Variants in RXFP1 observed in about 807,000 individuals in gnomAD.
RXFP1 encodes relaxin family peptide receptor 1, also known as relaxin receptor 1.
Under a neutral mutation model 89.8 loss-of-function variants are expected in RXFP1, and 73 were observed. That is an observed-to-expected ratio of 0.81 (90% confidence interval 0.67 to 0.99). RXFP1 has a LOEUF of 0.99. RXFP1 is among the 50% of genes least tolerant of loss of function. The pLI, the probability that RXFP1 is intolerant of heterozygous loss-of-function variation, is 0.00. For missense variants in RXFP1, 793 were observed against 895.5 expected, an observed-to-expected ratio of 0.89 and a Z score of 1.46; for synonymous variants, 277 against 305.5, an observed-to-expected ratio of 0.91 and a Z score of 0.97.
chr4:158,633,510 T>C (rs781537427), intron 12 of RXFP1, 34 bp downstream of exon 12: 1 of 1,325,464 alleles, frequency 7.5e-7, no homozygotes, highest in African/African-American at 1.5e-5. Flanking sequence ...ACCTCGTTTC[T>C]TTATTTTATT....
intron 2 of RXFP1, among the ~76,000 whole-genome samples, chr4:158,582,419 C>T (rs1757547622): frequency 6.6e-6 from 1 of 152,090 alleles, no homozygotes; most frequent in Non-Finnish European, 1.5e-5. Flanking sequence ...TGCCTGTTGT[C>T]AGCTGATGAT....
At chr4:158,649,448 G>C (rs942094543) in intron 17 of RXFP1, among the ~76,000 whole-genome samples, 2 of 151,936 alleles carry the variant, frequency 1.3e-5, no homozygotes, top group Admixed American at 1.3e-4. Flanking sequence ...AACATTCTTG[G>C]CATTTAGAAA....
At chr4:158,544,211 G>A in intron 1 of RXFP1, 1 of 985,312 alleles carries the variant, frequency 1.0e-6, no homozygotes, top group Non-Finnish European at 1.2e-6. Flanking sequence ...TTATAAAGCT[G>A]CCATCTCCAA....
At chr4:158,631,001 G>GT (rs748333364) in intron 11 of RXFP1, among the ~76,000 whole-genome samples, 1 of 152,204 alleles carries the variant, frequency 6.6e-6, no homozygotes, top group Non-Finnish European at 1.5e-5. Context: ...TTTACAAGGT[G>GT]TTTCCTGAGT....
intron 14 of RXFP1, among the ~76,000 whole-genome samples, chr4:158,642,227 G>A (rs1770519461): frequency 6.6e-6 from 1 of 151,910 alleles, no homozygotes; most frequent in Non-Finnish European, 1.5e-5. Context: ...TACATACAAT[G>A]TATAGTGATC....
Position 158,616,677 on chromosome 4 carries a change from G to T in RXFP1, c.681-454G>T, listed in dbSNP as rs972577800. On this transcript the variant is annotated intron_variant, in intron 8 of 17. Transcript: ENST00000307765. The stretch of plus-strand genomic sequence containing the variant: ...ATTAGATTATAATTAAATATAGTTA[G>T]ATTATAATTAAATTATAATTTAAAT... 8.1e-5 allele frequency among the ~76,000 whole-genome samples: 12 copies of T among 148,468 alleles called. No individual in the cohort carries two copies. In the South Asian group the frequency reaches 2.3e-3, roughly 29 times the overall value.
chr4:158,559,495 C>T (rs905670288), intron 1 of RXFP1, among the ~76,000 whole-genome samples: 8 of 152,036 alleles, frequency 5.3e-5, no homozygotes, highest in African/African-American at 1.9e-4. Flanking sequence ...AAAGGCTAGA[C>T]CCCCCTGCCC....
At chr4:158,617,418 T>C in intron 9 of RXFP1, among the ~76,000 whole-genome samples, 1 of 116,424 alleles carries the variant, frequency 8.6e-6, no homozygotes, top group Non-Finnish European at 1.6e-5. Flanking sequence ...ATAAAACATC[T>C]CAAAAAAAAT....
At chr4:158,628,740 A>G in intron 11 of RXFP1, 31 bp downstream of exon 11, 1 of 1,241,062 alleles carries the variant, frequency 8.1e-7, no homozygotes, top group Non-Finnish European at 1.1e-6. Context: ...ACTGATAAGA[A>G]TTTTCTTTCT....
At chr4:158,527,457 C>T (rs1309098132) in intron 1 of RXFP1, among the ~76,000 whole-genome samples, 7 of 150,678 alleles carry the variant, frequency 4.6e-5, no homozygotes, top group African/African-American at 1.5e-4. Flanking sequence ...GCTGGAGAAT[C>T]GCTTGAACCC....
intron 4 of RXFP1, among the ~76,000 whole-genome samples, chr4:158,601,969 C>T (rs548279559): frequency 1.2e-4 from 18 of 152,242 alleles, no homozygotes; most frequent in Middle Eastern, 6.8e-3. Flanking sequence ...ATACTAAGAA[C>T]TTTCTTTATA....
chr4:158,632,224 C>T (rs760072692), intron 11 of RXFP1, among the ~76,000 whole-genome samples: 1 of 152,064 alleles, frequency 6.6e-6, no homozygotes, highest in Non-Finnish European at 1.5e-5. Flanking sequence ...CAATAGTCTC[C>T]AGGTTCAGTT....
In RXFP1 at chr4:158,647,035, A is replaced by G. The variant is rs1412229136; in HGVS notation, c.1590A>G (p.Thr530=). The change falls in exon 16 of 18, where the codon ACA becomes ACG. Residue 530 remains threonine (T), a synonymous_variant. Coordinates refer to ENST00000307765, the MANE Select transcript of RXFP1 (RefSeq NM_021634.4). ...CVRPGKCRTI[T]VLILIWITGF... is the part of the protein sequence containing the mutation. ...GACCTGGAAAATGCAGAACAATTAC[A>G]GTTCTGATTCTCATTTGGATTACTG... 1 of 1,614,132 alleles carries G rather than the reference A, an allele frequency of 6.2e-7. No individual in the cohort carries two copies.
chr4:158,570,668 C>G (rs1331167919), intron 1 of RXFP1, among the ~76,000 whole-genome samples: 1 of 152,104 alleles, frequency 6.6e-6, no homozygotes, highest in Admixed American at 6.6e-5. Flanking sequence ...CCCTCCTACC[C>G]TCCCCTCAAG....
At chr4:158,591,029 C>T (rs1202353600) in intron 2 of RXFP1, among the ~76,000 whole-genome samples, 1 of 152,074 alleles carries the variant, frequency 6.6e-6, no homozygotes. Flanking sequence ...GCAGTAACTG[C>T]CCTAACTGCC....
chr4:158,542,079 C>CCATATATATATATA lies in RXFP1; in HGVS notation c.49+20054_49+20055insCATATATATATATA, dbSNP rs56378897. On this transcript the variant is annotated intron_variant, in intron 1 of 17. Transcript: ENST00000307765. ...GGACTACAGGCAGGCGCCACCATGG[C>CCATATATATATATA]TATATATATATATATATATATATAT... 3.7e-3 allele frequency among the ~76,000 whole-genome samples: 109 copies of CCATATATATATATA among 29,732 alleles called. 17 individuals carry two copies. The highest frequency in any genetic ancestry group is 5.1e-3 in the African/African-American group (54 of 10,664). The allele number at this position is 29,732 out of a possible 152,430, so 19.5% of individuals were successfully genotyped here.
chr4:158,598,453 A>G (rs1403198623), intron 3 of RXFP1, among the ~76,000 whole-genome samples: 2 of 152,152 alleles, frequency 1.3e-5, no homozygotes, highest in African/African-American at 4.8e-5. Context: ...AGGGCTCCAG[A>G]AGTCAATATG....
chr4:158,644,415 C>A (rs1299141993), intron 14 of RXFP1, among the ~76,000 whole-genome samples: 1 of 151,936 alleles, frequency 6.6e-6, no homozygotes, highest in Non-Finnish European at 1.5e-5. Flanking sequence ...GTTTTCTTTT[C>A]TTTTTTTCTT....
chr4:158,564,753 T>A (rs1753198133), intron 1 of RXFP1, among the ~76,000 whole-genome samples: 1 of 152,250 alleles, frequency 6.6e-6, no homozygotes, highest in African/African-American at 2.4e-5. Context: ...TCTGTAACTC[T>A]TTGGGCATAC....
Sources: allele counts gnomAD v4.1 joint callset (sites outside exome capture counted in the v4.1 genomes callset), GRCh38; gene constraint gnomAD v4.1.1; transcripts MANE v1.5; gene names NCBI Gene and HGNC (gene_info 2026-07-23, HGNC 2026-07-21).